Variants in EPC2 observed in about 807,000 individuals in gnomAD.
The protein encoded by EPC2 is enhancer of polycomb homolog 2.
EPC2 carries 14 observed loss-of-function variants against 92.1 expected under a neutral mutation model. That is an observed-to-expected ratio of 0.15 (90% confidence interval 0.10 to 0.24). The LOEUF (loss-of-function observed/expected upper bound fraction) is 0.24. Among genes scored for constraint, EPC2 ranks in the 10% least tolerant of loss-of-function variants. EPC2 has a pLI of 1.00. For missense variants in EPC2, 755 were observed against 971.5 expected (o/e 0.78, Z 2.96); for synonymous variants, 340 against 334.7 (o/e 1.02, Z -0.17).
chr2:148,770,852 T>C lies in EPC2; in HGVS notation c.1291T>C (p.Leu431=), dbSNP rs952939121. ...TTCAGAATTGGCAGATTTGGATAAG[T>C]TGAGGTATAGGCATTGCCTTACAAC... The part of the protein sequence containing the change: ...ENSELADLDK[L]RYRHCLTTLT... Residue 431 remains leucine (L), a synonymous_variant, in exon 9 of 14, where the codon TTG becomes CTG. Transcript: ENST00000258484. 1.9e-6 allele frequency: 3 copies of C among 1,613,784 alleles called. No individual in the cohort carries two copies. The highest frequency in any genetic ancestry group is 2.5e-6 in the Non-Finnish European group (3 of 1,179,824).
chr2:148,701,614 G>C (rs1574591593), intron 2 of EPC2, among the ~76,000 whole-genome samples: 1 of 151,944 alleles, frequency 6.6e-6, no homozygotes, highest in African/African-American at 2.4e-5. Flanking sequence ...TTTATATGTT[G>C]GATTCAGCTT....
At chr2:148,783,824 T>G (rs1558840200) in intron 12 of EPC2, 68 bp downstream of exon 12, 8 of 1,491,268 alleles carry the variant, frequency 5.4e-6, no homozygotes, top group South Asian at 2.5e-5. Flanking sequence ...GAGTTTGTTT[T>G]TTGTTTTTTT....
At chr2:148,713,061 C>T (rs1163244522) in intron 2 of EPC2, among the ~76,000 whole-genome samples, 2 of 152,150 alleles carry the variant, frequency 1.3e-5, no homozygotes, top group Non-Finnish European at 2.9e-5. Context: ...AGTACTAATA[C>T]TTGATAATAA....
At chr2:148,778,535 GC>G (rs199511814) in intron 10 of EPC2, among the ~76,000 whole-genome samples, 2 of 95,246 alleles carry the variant, frequency 2.1e-5, no homozygotes, top group Non-Finnish European at 4.3e-5. Flanking sequence ...ACCTGCCCCT[GC>G]CCCCCCGCCC....
chr2:148,761,880 GA>G lies in EPC2; in HGVS notation c.769del (p.Thr257GlnfsTer8). On this transcript the variant is annotated frameshift_variant, in exon 5 of 14. Transcript: ENST00000258484. LOFTEE classifies it high-confidence loss of function. ...TTTTGGAAATGATTAAGAGAAGAGA[GA>G]AAACAAAACGAGAATTATTGCACTT... Reference protein sequence around the residue: ...TILEMIKRREKTKRELLHLTL... With the variant: ...TILEMIKRREXTKRELLHLTL... 1 of 1,598,590 alleles carries G rather than the reference GA, an allele frequency of 6.3e-7. No individual in the cohort carries two copies. The highest frequency in any genetic ancestry group is 8.5e-7 in the Non-Finnish European group (1 of 1,174,576).
chr2:148,660,680 T>G (rs142941619), intron 1 of EPC2, among the ~76,000 whole-genome samples: 178 of 152,228 alleles, frequency 1.2e-3, no homozygotes, highest in African/African-American at 3.9e-3. Context: ...TTAGAACTTT[T>G]GTAGTTTGTT....
chr2:148,711,480 T>G (rs537937653), intron 2 of EPC2, among the ~76,000 whole-genome samples: 1 of 152,196 alleles, frequency 6.6e-6, no homozygotes, highest in Admixed American at 6.6e-5. Context: ...ATAAAATTTA[T>G]TATTTTTTTA....
At chr2:148,687,294 G>A (rs905607553) in intron 1 of EPC2, among the ~76,000 whole-genome samples, 3 of 152,154 alleles carry the variant, frequency 2.0e-5, no homozygotes, top group Non-Finnish European at 4.4e-5. Context: ...TTTGGCTTAC[G>A]GGAATGTTGT....
chr2:148,725,521 T>C (rs1316071400), intron 2 of EPC2, among the ~76,000 whole-genome samples: 2 of 152,120 alleles, frequency 1.3e-5, no homozygotes, highest in Non-Finnish European at 2.9e-5. Flanking sequence ...CACAGCATTG[T>C]TATCAAAATC....
At chr2:148,655,469 A>T (rs1406204633) in intron 1 of EPC2, among the ~76,000 whole-genome samples, 1 of 152,244 alleles carries the variant, frequency 6.6e-6, no homozygotes, top group Non-Finnish European at 1.5e-5. Context: ...CAGAATCTAC[A>T]GTTGGATCTA....
At chr2:148,650,167 C>T (rs991285871) in intron 1 of EPC2, among the ~76,000 whole-genome samples, 9 of 152,180 alleles carry the variant, frequency 5.9e-5, no homozygotes, top group Non-Finnish European at 1.3e-4. Context: ...GTGCCTGGAA[C>T]TGTGCCTGGC....
At chr2:148,732,256 G>A (rs931051998) in intron 2 of EPC2, among the ~76,000 whole-genome samples, 4 of 152,230 alleles carry the variant, frequency 2.6e-5, no homozygotes, top group South Asian at 2.1e-4. Context: ...AGGTGCACCC[G>A]CGGTCTTGCA....
chr2:148,726,155 T>G (rs1317635364), intron 2 of EPC2, among the ~76,000 whole-genome samples: 1 of 152,186 alleles, frequency 6.6e-6, no homozygotes, highest in African/African-American at 2.4e-5. Context: ...GTTAATAGTC[T>G]ATTGTGTGTA....
intron 13 of EPC2, among the ~76,000 whole-genome samples, chr2:148,785,315 T>C (rs1683844707): frequency 6.6e-6 from 1 of 152,036 alleles, no homozygotes; most frequent in Admixed American, 6.6e-5. Flanking sequence ...AAGCTTCAGT[T>C]ACTCTTCCCC....
At chr2:148,783,891 G>A (rs1169383627) in intron 12 of EPC2, 135 bp downstream of exon 12, 4 of 880,444 alleles carry the variant, frequency 4.5e-6, no homozygotes, top group Non-Finnish European at 6.9e-6. Context: ...TCTTTGGAAA[G>A]ATAGTGGGAA....
chr2:148,696,309 G>T (rs1207990552), intron 2 of EPC2, among the ~76,000 whole-genome samples: 1 of 152,186 alleles, frequency 6.6e-6, no homozygotes, highest in Non-Finnish European at 1.5e-5. Flanking sequence ...GGTAATGCCA[G>T]ACATTGTGTG....
intron 1 of EPC2, among the ~76,000 whole-genome samples, chr2:148,652,063 A>T (rs1377486885): frequency 6.6e-6 from 1 of 152,154 alleles, no homozygotes; most frequent in Non-Finnish European, 1.5e-5. Flanking sequence ...TTATTTTCCC[A>T]TTTAAAGTTC....
chr2:148,729,833 G>T (rs1682582225), intron 2 of EPC2, among the ~76,000 whole-genome samples: 1 of 152,192 alleles, frequency 6.6e-6, no homozygotes, highest in Non-Finnish European at 1.5e-5. Flanking sequence ...TGAAAGATGT[G>T]CAGTATCCAG....
At chr2:148,665,724 C>T (rs1681043549) in intron 1 of EPC2, among the ~76,000 whole-genome samples, 1 of 152,094 alleles carries the variant, frequency 6.6e-6, no homozygotes, top group Non-Finnish European at 1.5e-5. Context: ...TCCGTTAAAG[C>T]CATCCACTCA....
Sources: gnomAD v4.1 joint callset for allele counts (sites outside exome capture counted in the v4.1 genomes callset) on GRCh38, gnomAD v4.1.1 for gene constraint, MANE v1.5 for transcripts, NCBI Gene and HGNC (gene_info 2026-07-23, HGNC 2026-07-21) for gene names.